Variants in AHI1 observed in about 807,000 individuals in gnomAD.
AHI1 encodes the protein jouberin.
AHI1 carries 123 observed loss-of-function variants against 149.3 expected under a neutral mutation model. The ratio of observed to expected loss-of-function variants is 0.82; its 90% confidence interval spans 0.71 to 0.96. The LOEUF is 0.96. AHI1 is among the 40% of genes least tolerant of loss of function. AHI1 has a pLI of 0.00. For missense variants in AHI1, 1,439 were observed against 1,422.7 expected (o/e 1.01, Z -0.18); for synonymous variants, 475 against 459.8 (o/e 1.03, Z -0.42).
chr6:135,442,695 T>G lies in AHI1; in HGVS notation c.1799A>C (p.Lys600Thr). 6.2e-7 allele frequency: 1 copy of G among 1,610,370 alleles called. No individual in the cohort carries two copies. The highest frequency in any genetic ancestry group is 8.5e-7 in the Non-Finnish European group (1 of 1,178,254). Residue 600 changes from lysine to threonine, a missense_variant, in exon 14 of 29, where the codon AAA becomes ACA. Transcript: ENST00000265602. The part of the protein sequence containing the change: ...LPGQACRIPN[K>T]HLFSLNAGER... ...TCCTGCATTTAGTGAGAAGAGGTGT[T>G]TGTTTGGGATACGGCAAGCCTAAAA...
At chr6:135,485,034 C>T (rs1211953951) in intron 5 of AHI1, among the ~76,000 whole-genome samples, 1 of 151,606 alleles carries the variant, frequency 6.6e-6, no homozygotes, top group Non-Finnish European at 1.5e-5. Context: ...AAAGCTAAAG[C>T]AACCTAACAA....
intron 24 of AHI1, among the ~76,000 whole-genome samples, chr6:135,343,611 C>T (rs1191486646): frequency 1.3e-5 from 2 of 148,824 alleles, no homozygotes; most frequent in Non-Finnish European, 3.0e-5. Flanking sequence ...TGATTTTCAA[C>T]AAGGGTGCCA....
intron 5 of AHI1, among the ~76,000 whole-genome samples, chr6:135,468,261 C>G (rs185268086): frequency 6.6e-6 from 1 of 151,634 alleles, no homozygotes; most frequent in African/African-American, 2.4e-5. Flanking sequence ...GTTTTAGAAG[C>G]AATATTTAAT....
chr6:135,441,871 A>G (rs758345064), intron 14 of AHI1, among the ~76,000 whole-genome samples: 1 of 152,140 alleles, frequency 6.6e-6, no homozygotes, highest in African/African-American at 2.4e-5. Flanking sequence ...AATCAAGTCA[A>G]TTATGAGTCC....
intron 20 of AHI1, among the ~76,000 whole-genome samples, chr6:135,413,627 T>G (rs1781922709): frequency 6.6e-6 from 1 of 151,704 alleles, no homozygotes; most frequent in South Asian, 2.1e-4. Context: ...AAATGGAATC[T>G]AAAAAAATAA....
chr6:135,490,808 T>G, intron 4 of AHI1, 61 bp from the exon 5 acceptor site: 1 of 1,538,832 alleles, frequency 6.5e-7, no homozygotes, highest in Non-Finnish European at 8.8e-7. Flanking sequence ...CAACCTACAC[T>G]ACTAGGATGT....
rs751304177 is a variant in AHI1 at position 135,300,461 on chromosome 6, C to T, written c.3485+39G>A. ...AATTATCCTTAAAAGAAAACCCCAACCATTTATCACTGCAAATTATTTTGA... is the reference window on the plus strand; with the variant it reads ...AATTATCCTTAAAAGAAAACCCCAATCATTTATCACTGCAAATTATTTTGA... On this transcript the variant is annotated intron_variant, in intron 27 of 28. Transcript: ENST00000265602. 35 of 1,533,602 alleles carry T rather than the reference C, an allele frequency of 2.3e-5. 1 individual carries two copies. In the South Asian group the frequency reaches 3.3e-4, roughly 15 times the overall value. The allele number at this position is 1,533,602 out of a possible 1,614,324, so 95.0% of individuals were successfully genotyped here.
intron 20 of AHI1, among the ~76,000 whole-genome samples, chr6:135,413,722 A>G (rs997747006): frequency 1.7e-4 from 17 of 98,652 alleles, no homozygotes; most frequent in African/African-American, 4.6e-4. Context: ...AGCAATTAAG[A>G]ACCAAAAATT....
At position 135,285,509 on chromosome 6, in the gene AHI1, T is replaced by G; in HGVS notation, c.*136A>C. 1 of 921,070 alleles carries G rather than the reference T, an allele frequency of 1.1e-6. No homozygotes were observed. The highest frequency in any genetic ancestry group is 1.7e-6 in the Non-Finnish European group (1 of 589,800). The allele number at this position is 921,070 out of a possible 1,614,324, so 57.1% of individuals were successfully genotyped here. On this transcript the variant is annotated 3_prime_UTR_variant, in exon 29 of 29. Transcript: ENST00000265602. ...CTTGATTCTGATTTTTCTAGAGTCA[T>G]TCATAAGAACAAGAAGTAGTGGATC...
Position 135,457,479 on chromosome 6 carries a change from A to G in AHI1, c.1151+15T>C. On this transcript the variant is annotated intron_variant, in intron 9 of 28. Coordinates refer to ENST00000265602, the MANE Select transcript of AHI1 (RefSeq NM_001134831.2). ...TTCAGTTTCAAGAATTAGTTGTGCA[A>G]TTAAAAAAAATTACCTATCATCTTT... 1.3e-6 allele frequency: 2 copies of G among 1,587,510 alleles called. No homozygotes were observed. Among genetic ancestry groups the G allele is most frequent in the East Asian group, 2.2e-5 (1 of 44,570 alleles).
rs1382883051 is a variant in AHI1 at position 135,342,970 on chromosome 6, G to A, written c.3165+15162C>T. Among the ~76,000 whole-genome samples the A allele has an allele frequency of 3.3e-5, 5 of 150,228 alleles. No individual in the cohort carries two copies. In the South Asian group the frequency reaches 8.3e-4, roughly 25 times the overall value. ...AAGAAAAAAAAAAGGCACCCGGATC[G>A]GAAAGGAGAAGTAAAACTATCTCTA... On this transcript the variant is annotated intron_variant, in intron 24 of 28. Transcript: ENST00000265602.
At chr6:135,287,535 C>G (rs1408968315) in intron 28 of AHI1, among the ~76,000 whole-genome samples, 1 of 152,140 alleles carries the variant, frequency 6.6e-6, no homozygotes, top group East Asian at 1.9e-4. Flanking sequence ...GACCTGAAAG[C>G]TAGGAGACAG....
chr6:135,324,074 C>G (rs1049202016), intron 24 of AHI1, among the ~76,000 whole-genome samples: 6 of 152,126 alleles, frequency 3.9e-5, no homozygotes, highest in Non-Finnish European at 7.4e-5. Context: ...AGTCTCAGCA[C>G]TTTGGGAGGC....
chr6:135,340,303 T>C (rs1790087630), intron 24 of AHI1, among the ~76,000 whole-genome samples: 1 of 150,812 alleles, frequency 6.6e-6, no homozygotes, highest in Admixed American at 6.6e-5. Flanking sequence ...ACCTGGGAGG[T>C]GGAGGTTGCG....
chr6:135,483,859 G>C (rs945207794), intron 5 of AHI1, among the ~76,000 whole-genome samples: 2 of 152,082 alleles, frequency 1.3e-5, no homozygotes, highest in Non-Finnish European at 2.9e-5. Context: ...TTCAAATTTA[G>C]TGAACTTTAC....
chr6:135,351,065 C>A (rs1562555254), intron 24 of AHI1, among the ~76,000 whole-genome samples: 1 of 151,032 alleles, frequency 6.6e-6, no homozygotes, highest in Non-Finnish European at 1.5e-5. Context: ...CATAACTGAA[C>A]TTCTGCATTG....
intron 22 of AHI1, among the ~76,000 whole-genome samples, chr6:135,398,675 C>T (rs965025023): frequency 6.6e-6 from 1 of 152,176 alleles, no homozygotes; most frequent in Non-Finnish European, 1.5e-5. Context: ...TTGGTTTTCT[C>T]AAAACCTTTA....
intron 24 of AHI1, among the ~76,000 whole-genome samples, chr6:135,329,827 T>A (rs145191100): frequency 2.3e-4 from 35 of 152,326 alleles, no homozygotes; most frequent in African/African-American, 7.7e-4. Context: ...TAGGAGGACA[T>A]CCAATTGTCA....
At chr6:135,290,286 C>T (rs1057108565) in intron 28 of AHI1, 137 bp downstream of exon 28, 25 of 659,186 alleles carry the variant, frequency 3.8e-5, no homozygotes, top group African/African-American at 9.0e-5. Flanking sequence ...AATGGCCTCC[C>T]GGTTACAGAT....
Sources: gnomAD v4.1 joint callset for allele counts (sites outside exome capture counted in the v4.1 genomes callset) on GRCh38, gnomAD v4.1.1 for gene constraint, MANE v1.5 for transcripts, NCBI Gene and HGNC (gene_info 2026-07-23, HGNC 2026-07-21) for gene names.